The following MICAL2 variants were observed in gnomAD, a reference collection of about 807,000 sequenced individuals.
The protein encoded by MICAL2 is [F-actin]-monooxygenase MICAL2.
MICAL2 carries 77 observed loss-of-function variants against 127.3 expected under a neutral mutation model. The observed-to-expected ratio is 0.60, with a 90% confidence interval of 0.50 to 0.73. MICAL2 has a LOEUF of 0.73. MICAL2 is among the 30% of genes least tolerant of loss of function. The probability of loss-of-function intolerance (pLI) is 0.00; values close to 1 mark genes in which losing one functional copy is unlikely to be tolerated. For missense variants in MICAL2, 1,351 were observed against 1,434.4 expected (o/e 0.94, Z 0.94); for synonymous variants, 570 against 551.1 (o/e 1.03, Z -0.48).
intron 3 of MICAL2, among the ~76,000 whole-genome samples, chr11:12,174,962 A>G (rs1856676063): frequency 6.6e-6 from 1 of 152,098 alleles, no homozygotes; most frequent in African/African-American, 2.4e-5. Flanking sequence ...TTCTACAAAA[A>G]AATACAAAAA....
chr11:12,335,600 G>C (rs1227601447), intron 32 of MICAL2, among the ~76,000 whole-genome samples: 2 of 152,158 alleles, frequency 1.3e-5, no homozygotes, highest in Admixed American at 1.3e-4. Flanking sequence ...TAACATGTAA[G>C]TCTTTAATCC....
intron 6 of MICAL2, among the ~76,000 whole-genome samples, chr11:12,212,340 G>A (rs1855581006): frequency 6.6e-6 from 1 of 152,176 alleles, no homozygotes; most frequent in African/African-American, 2.4e-5. Flanking sequence ...AGGCAGTCAT[G>A]GTGACACATG....
intron 3 of MICAL2, among the ~76,000 whole-genome samples, chr11:12,181,219 CA>C (rs1453301236): frequency 6.6e-6 from 1 of 152,220 alleles, no homozygotes; most frequent in Non-Finnish European, 1.5e-5. Context: ...GCTAGGATTA[CA>C]GGCATGAGCC....
chr11:12,190,496 G>T (rs952534405), intron 3 of MICAL2, among the ~76,000 whole-genome samples: 1 of 152,162 alleles, frequency 6.6e-6, no homozygotes, highest in Non-Finnish European at 1.5e-5. Flanking sequence ...CATTGGTAAA[G>T]GTAGTAAAAC....
At chr11:12,117,990 G>A (rs1850181692) in intron 1 of MICAL2, among the ~76,000 whole-genome samples, 1 of 152,214 alleles carries the variant, frequency 6.6e-6, no homozygotes, top group South Asian at 2.1e-4. Context: ...TGGGGTCCAT[G>A]TCGGGAGAGC....
At chr11:12,143,945 AAGAG>A (rs137892591) in intron 2 of MICAL2, among the ~76,000 whole-genome samples, 13 of 150,206 alleles carry the variant, frequency 8.7e-5, no homozygotes, top group African/African-American at 2.4e-4. Context: ...GAGAGAGGGA[AAGAG>A]AGAGAGAGAG....
intron 2 of MICAL2, among the ~76,000 whole-genome samples, chr11:12,159,411 G>A (rs897655437): frequency 6.6e-6 from 1 of 152,182 alleles, no homozygotes; most frequent in Non-Finnish European, 1.5e-5. Flanking sequence ...TGCCTCCTGT[G>A]GTAGATGCAG....
rs140911945 is a variant in MICAL2, at chr11:12,328,795, C to A, written c.5515+1529C>A. ...ATTAGGATTTCAATTCTTTAAGAGT[C>A]CAGTTACATGAGAGCGATGAAACTA... On this transcript the variant is annotated intron_variant, in intron 32 of 34. Transcript: ENST00000646065. Among the ~76,000 whole-genome samples the A allele has an allele frequency of 2.3e-3, 351 of 152,240 alleles. 1 individual carries two copies. Among genetic ancestry groups the A allele is most frequent in the African/African-American group, 8.0e-3 (334 of 41,528 alleles).
At chr11:12,274,495 C>T (rs1307622570), upstream of MICAL2, 4 of 152,230 alleles carry the variant, frequency 2.6e-5, no homozygotes, top group Non-Finnish European at 5.9e-5. Context: ...ATGGAGAGCA[C>T]TGAGGCATGG....
At chr11:12,193,361 G>T (rs538770824) in intron 3 of MICAL2, among the ~76,000 whole-genome samples, 259 of 152,350 alleles carry the variant, frequency 1.7e-3, no homozygotes, top group Non-Finnish European at 3.1e-3. Context: ...TCTCTCCCTT[G>T]TTGACCTTAG....
At chr11:12,188,951 C>A (rs1464906376) in intron 3 of MICAL2, among the ~76,000 whole-genome samples, 2 of 152,124 alleles carry the variant, frequency 1.3e-5, no homozygotes, top group African/African-American at 4.8e-5. Context: ...CAATGAGTAC[C>A]TTACACTCAA....
chr11:12,221,412 C>T (rs1443783666), intron 9 of MICAL2, among the ~76,000 whole-genome samples: 2 of 152,220 alleles, frequency 1.3e-5, no homozygotes, highest in East Asian at 1.9e-4. Flanking sequence ...CTTTTCTGAG[C>T]CCTAAAGCAG....
At chr11:12,315,668 G>A (rs188994968) in intron 29 of MICAL2, among the ~76,000 whole-genome samples, 10 of 152,198 alleles carry the variant, frequency 6.6e-5, no homozygotes, top group Admixed American at 1.3e-4. Context: ...CAAGGATATC[G>A]TCTAACTTAG....
chr11:12,357,013 G>A (rs1220601381), intron 34 of MICAL2, among the ~76,000 whole-genome samples: 2 of 152,230 alleles, frequency 1.3e-5, no homozygotes, highest in Non-Finnish European at 2.9e-5. Flanking sequence ...CCAGAATGGA[G>A]AGACCGAGCA....
chr11:12,195,524 A>G (rs1208927792), intron 3 of MICAL2, among the ~76,000 whole-genome samples: 2 of 152,132 alleles, frequency 1.3e-5, no homozygotes, highest in Admixed American at 6.6e-5. Context: ...GAAAAGTATT[A>G]TAATGAAATG....
chr11:12,115,353 G>A (rs1186567476), intron 1 of MICAL2, among the ~76,000 whole-genome samples: 1 of 152,176 alleles, frequency 6.6e-6, no homozygotes, highest in Non-Finnish European at 1.5e-5. Context: ...AGGGGTGCTG[G>A]ACACCTCGAT....
At chr11:12,255,542 G>T (rs973719636) in intron 22 of MICAL2, 101 bp from the exon 23 acceptor site, 2 of 1,002,582 alleles carry the variant, frequency 2.0e-6, no homozygotes, top group Non-Finnish European at 3.1e-6. Flanking sequence ...TTGCATGTGG[G>T]TGAGGAGCCC....
chr11:12,329,188 G>A (rs1864387079), intron 32 of MICAL2, among the ~76,000 whole-genome samples: 1 of 152,170 alleles, frequency 6.6e-6, no homozygotes, highest in Non-Finnish European at 1.5e-5. Flanking sequence ...GGATTTCCTT[G>A]CAAAGATGAC....
intron 3 of MICAL2, among the ~76,000 whole-genome samples, chr11:12,187,355 A>G (rs1202418538): frequency 6.6e-6 from 1 of 152,184 alleles, no homozygotes; most frequent in Non-Finnish European, 1.5e-5. Flanking sequence ...TTTTTTCTAA[A>G]TAATTAGTGA....
Sources: allele counts gnomAD v4.1 joint callset (sites outside exome capture counted in the v4.1 genomes callset), GRCh38; gene constraint gnomAD v4.1.1; transcripts MANE v1.5; gene names NCBI Gene and HGNC (gene_info 2026-07-23, HGNC 2026-07-21).